Variants in ROR1 observed in about 807,000 individuals in gnomAD.
ROR1 encodes ROR family WNT receptor 1.
ROR1 carries 19 observed loss-of-function variants against 78.8 expected under a neutral mutation model. That is an observed-to-expected ratio of 0.24 (90% CI 0.17 to 0.35). ROR1 has a LOEUF of 0.35. ROR1 is among the 10% of genes least tolerant of loss of function. The probability of loss-of-function intolerance (pLI) is 1.00; values close to 1 mark genes in which losing one functional copy is unlikely to be tolerated. For missense variants in ROR1, 917 were observed against 1,177.8 expected (o/e 0.78, Z 3.24); for synonymous variants, 386 against 433.6 (o/e 0.89, Z 1.36).
At chr1:63,986,143 C>T (rs1646250284) in intron 1 of ROR1, among the ~76,000 whole-genome samples, 1 of 152,080 alleles carries the variant, frequency 6.6e-6, no homozygotes, top group Non-Finnish European at 1.5e-5. Context: ...GGGTGCATGA[C>T]TAGGTTCTGC....
At chr1:64,010,941 AAATT>A (rs1237255257) in intron 2 of ROR1, among the ~76,000 whole-genome samples, 1 of 152,164 alleles carries the variant, frequency 6.6e-6, no homozygotes, top group East Asian at 1.9e-4. Flanking sequence ...TTTCCTTTAT[AAATT>A]ACCCAGTCTT....
chr1:64,004,743 A>T (rs1646414746), intron 1 of ROR1, among the ~76,000 whole-genome samples: 1 of 152,140 alleles, frequency 6.6e-6, no homozygotes, highest in African/African-American at 2.4e-5. Flanking sequence ...GGCTTTTATC[A>T]ATGAGGAGGA....
intron 4 of ROR1, among the ~76,000 whole-genome samples, chr1:64,121,629 C>T (rs1648546837): frequency 6.7e-6 from 1 of 149,288 alleles, no homozygotes; most frequent in Non-Finnish European, 1.5e-5. Context: ...CGGTGCATAA[C>T]GGTAATAAAA....
At chr1:63,858,049 A>G (rs1280171288) in intron 1 of ROR1, among the ~76,000 whole-genome samples, 1 of 151,226 alleles carries the variant, frequency 6.6e-6, no homozygotes, top group South Asian at 2.1e-4. Flanking sequence ...CATTCCCCCA[A>G]ACTTAATTGA....
chr1:64,176,805 G>A (rs908350288), intron 8 of ROR1, among the ~76,000 whole-genome samples: 5 of 152,210 alleles, frequency 3.3e-5, no homozygotes. Context: ...TTTTGTTTTG[G>A]TTTCTCTTTT....
At chr1:63,897,750 T>C (rs945397957) in intron 1 of ROR1, among the ~76,000 whole-genome samples, 3 of 152,210 alleles carry the variant, frequency 2.0e-5, no homozygotes, top group Admixed American at 2.0e-4. Context: ...AAATGAACTG[T>C]CACATTTTAT....
At chr1:63,902,687 A>G (rs1227585414) in intron 1 of ROR1, among the ~76,000 whole-genome samples, 1 of 152,176 alleles carries the variant, frequency 6.6e-6, no homozygotes, top group Non-Finnish European at 1.5e-5. Context: ...ATCTGCATTC[A>G]GCTGTGAGTT....
At chr1:63,843,155 G>T in intron 1 of ROR1, 1 of 924,498 alleles carries the variant, frequency 1.1e-6, no homozygotes. Flanking sequence ...CAGATGTGGG[G>T]CTGCCAGATG....
chr1:64,078,086 G>T (rs1647067443), intron 4 of ROR1, among the ~76,000 whole-genome samples: 1 of 152,130 alleles, frequency 6.6e-6, no homozygotes, highest in Non-Finnish European at 1.5e-5. Flanking sequence ...TCTACATAAG[G>T]GGCCAATAAT....
chr1:64,073,617 A>T (rs1336384576), intron 4 of ROR1, among the ~76,000 whole-genome samples: 1 of 152,180 alleles, frequency 6.6e-6, no homozygotes, highest in East Asian at 1.9e-4. Flanking sequence ...TACACCCCAC[A>T]ATTAAGACAT....
intron 1 of ROR1, among the ~76,000 whole-genome samples, chr1:63,859,762 G>T (rs1316409135): frequency 6.6e-6 from 1 of 152,198 alleles, no homozygotes; most frequent in Non-Finnish European, 1.5e-5. Context: ...AAGTGCAAAG[G>T]CTTCAGTGTT....
At chr1:63,957,036 C>A (rs1402497738) in intron 1 of ROR1, among the ~76,000 whole-genome samples, 1 of 152,172 alleles carries the variant, frequency 6.6e-6, no homozygotes, top group Non-Finnish European at 1.5e-5. Context: ...GACTTGACAT[C>A]CTCTGCTTCA....
chr1:64,169,732 A>C (rs1212599495), intron 8 of ROR1, among the ~76,000 whole-genome samples: 2 of 152,200 alleles, frequency 1.3e-5, no homozygotes, highest in African/African-American at 4.8e-5. Context: ...TCTGCCTATG[A>C]GCCTGTAAAA....
chr1:63,960,515 C>G (rs1048765322), intron 1 of ROR1, among the ~76,000 whole-genome samples: 1 of 152,164 alleles, frequency 6.6e-6, no homozygotes, highest in African/African-American at 2.4e-5. Flanking sequence ...GTCCTTGGCA[C>G]TAATCCTGTT....
At chr1:64,118,141 T>A (rs971284518) in intron 4 of ROR1, among the ~76,000 whole-genome samples, 1 of 152,184 alleles carries the variant, frequency 6.6e-6, no homozygotes, top group Admixed American at 6.5e-5. Context: ...AGGTCAAGGT[T>A]GCAGTGAGCT....
intron 1 of ROR1, among the ~76,000 whole-genome samples, chr1:63,846,118 ATGTGTGTGTG>A (rs71056009): frequency 0.032 from 4,296 of 136,330 alleles, 125 homozygotes; most frequent in Admixed American, 0.094. Context: ...GAGAGAGAGA[ATGTGTGTGTG>A]TGTGTGTGTG....
At chr1:63,775,477 C>T (rs1644611214) in intron 1 of ROR1, 1 of 152,130 alleles carries the variant, frequency 6.6e-6, no homozygotes, top group Non-Finnish European at 1.5e-5. Flanking sequence ...ACATGCATCC[C>T]TTGAGGGGGT....
intron 1 of ROR1, among the ~76,000 whole-genome samples, chr1:63,857,970 A>C (rs774019893): frequency 1.1e-4 from 16 of 152,224 alleles, no homozygotes; most frequent in Non-Finnish European, 2.1e-4. Context: ...TCAGGTTGCT[A>C]TGAGGAATAA....
intron 1 of ROR1, among the ~76,000 whole-genome samples, chr1:63,821,114 C>A (rs1027969811): frequency 2.0e-5 from 3 of 152,204 alleles, no homozygotes; most frequent in Non-Finnish European, 2.9e-5. Context: ...GGAGGAAGCA[C>A]TAGAACTACC....
Sources: allele counts gnomAD v4.1 joint callset (sites outside exome capture counted in the v4.1 genomes callset), GRCh38; gene constraint gnomAD v4.1.1; transcripts MANE v1.5; gene names NCBI Gene and HGNC (gene_info 2026-07-23, HGNC 2026-07-21).